The following LHX6 variants were observed in gnomAD, a reference collection of about 807,000 sequenced individuals.
The protein encoded by LHX6 is LIM/homeobox protein Lhx6.
In LHX6, 15 loss-of-function variants were observed where a neutral mutation model predicts 47.1. The ratio of observed to expected loss-of-function variants is 0.32; its 90% CI spans 0.21 to 0.49. The LOEUF (loss-of-function observed/expected upper bound fraction) is 0.49. LHX6 is among the 20% of genes least tolerant of loss of function. The probability of loss-of-function intolerance (pLI) is 0.99; values close to 1 mark genes in which losing one functional copy is unlikely to be tolerated. For missense variants in LHX6, 404 were observed against 539.6 expected (o/e 0.75, Z 2.49); for synonymous variants, 242 against 233.5 (o/e 1.04, Z -0.33).
intron 2 of LHX6, 96 bp downstream of exon 2, chr9:122,227,313 G>T: frequency 8.1e-7 from 1 of 1,236,806 alleles, no homozygotes; most frequent in South Asian, 1.6e-5. Flanking sequence ...GTCCCCCAGA[G>T]CGTGAGCAGC....
chr9:122,205,127 C>T (rs976265561), intron 9 of LHX6, among the ~76,000 whole-genome samples: 4 of 152,196 alleles, frequency 2.6e-5, no homozygotes, highest in Admixed American at 2.0e-4. Flanking sequence ...GGAGTTCCAA[C>T]GTTCTGTTTT....
At chr9:122,221,012 A>C in intron 4 of LHX6, 1 of 887,616 alleles carries the variant, frequency 1.1e-6, no homozygotes, top group Non-Finnish European at 1.3e-6. Flanking sequence ...TGTACAAGGA[A>C]ACCAAACCTC....
At chr9:122,227,319 G>A in intron 2 of LHX6, 90 bp downstream of exon 2, 1 of 1,260,560 alleles carries the variant, frequency 7.9e-7, no homozygotes, top group Non-Finnish European at 1.1e-6. Context: ...CAGAGCGTGA[G>A]CAGCAGTTCG....
At position 122,202,767 on chromosome 9, in the gene LHX6, G is replaced by C. The variant is rs186921183; in HGVS notation, c.*1993C>G. On this transcript the variant is annotated 3_prime_UTR_variant, in exon 10 of 10. Coordinates refer to ENST00000394319, the MANE Select transcript of LHX6 (RefSeq NM_014368.5). ...TTTAAATAAATAGTCTTGATGGCCT[G>C]TACGTTCCCAGGCTGCTCTTAACAG... 67 of 152,616 alleles carry C rather than the reference G, an allele frequency of 4.4e-4. No homozygotes were observed. The highest frequency in any genetic ancestry group is 1.5e-3 in the African/African-American group (62 of 41,520). The allele number at this position is 152,616 out of a possible 1,614,324, so 9.5% of individuals were successfully genotyped here. A position where few individuals can be genotyped will look rare whatever the true frequency, so the allele number is the denominator to read the frequency against.
chr9:122,215,372 T>G (rs1360447901), intron 5 of LHX6, among the ~76,000 whole-genome samples: 1 of 152,248 alleles, frequency 6.6e-6, no homozygotes, highest in Non-Finnish European at 1.5e-5. Flanking sequence ...AATGAACGTG[T>G]GTGTATCTGT....
chr9:122,205,257 C>T (rs1830129968), intron 9 of LHX6, among the ~76,000 whole-genome samples: 3 of 152,246 alleles, frequency 2.0e-5, no homozygotes, highest in Admixed American at 1.3e-4. Context: ...CCTACCAAAG[C>T]ACATTGCCTC....
Position 122,202,721 on chromosome 9 carries a change from G to C in LHX6, c.*2039C>G, listed in dbSNP as rs1210130029. On this transcript the variant is annotated 3_prime_UTR_variant, in exon 10 of 10. Transcript: ENST00000394319. ...TGCTTACAATTTTTTTTCCGTGTGT[G>C]TGTTTTCCCCTTTTTTTGTATTTAA... The C allele has an allele frequency of 1.3e-5, 2 of 152,582 alleles. No homozygotes were observed. Among genetic ancestry groups the C allele is most frequent in the Non-Finnish European group, 2.9e-5 (2 of 68,036 alleles). The allele number at this position is 152,582 out of a possible 1,614,324, so 9.5% of individuals were successfully genotyped here.
At chr9:122,221,290 G>T (rs947682980) in intron 4 of LHX6, 1 of 984,980 alleles carries the variant, frequency 1.0e-6, no homozygotes, top group Non-Finnish European at 1.2e-6. Context: ...TCCCGGCCCC[G>T]AGGCTCCTCC....
Position 122,213,689 on chromosome 9 carries a change from G to C in LHX6, c.971C>G (p.Ser324Cys). 1 of 1,612,874 alleles carries C rather than the reference G, an allele frequency of 6.2e-7. No individual in the cohort carries two copies. The highest frequency in any genetic ancestry group is 8.5e-7 in the Non-Finnish European group (1 of 1,179,832). ...GTAGTGGATGTCGTCGGACAGGGCG[G>C]AGGGAAGGCGGGACGGGGGCGCCCC... ...PSGAPPSRLPSALSDDIHYTP... is the reference protein window; with the variant it reads ...PSGAPPSRLPCALSDDIHYTP... Residue 324 changes from serine (S) to cysteine (C), a missense_variant, in exon 8 of 10, where the codon TCC (serine) becomes TGC (cysteine). Coordinates refer to ENST00000394319, the MANE Select transcript of LHX6 (RefSeq NM_014368.5). This position sits in a 1 kb window ranked among gnomAD's most constrained non-coding sequence, Gnocchi z 5.5.
chr9:122,207,841 A>G (rs1443116103), intron 9 of LHX6, among the ~76,000 whole-genome samples: 3 of 152,130 alleles, frequency 2.0e-5, no homozygotes, highest in Non-Finnish European at 4.4e-5. Flanking sequence ...ACACTCGCAG[A>G]TCCCTATATC....
rs1588349090 is a variant in LHX6 at position 122,217,453 on chromosome 9, C to T, written c.462-165G>A. The stretch of plus-strand genomic sequence containing the variant: ...AACAACACTCTACACCTAGTCCCAC[C>T]TAGGAGATGAACTGGTGGGTGATTT... On this transcript the variant is annotated intron_variant, in intron 4 of 9. Coordinates refer to ENST00000394319, the MANE Select transcript of LHX6 (RefSeq NM_014368.5). The surrounding 1 kb of genome is among the most constrained non-coding windows in gnomAD (Gnocchi z 4.9). Among the ~76,000 whole-genome samples the T allele has an allele frequency of 6.6e-6, 1 of 152,220 alleles. No individual in the cohort carries two copies. The highest frequency in any genetic ancestry group is 2.4e-5 in the African/African-American group (1 of 41,440).
Position 122,217,418 on chromosome 9 carries a change from G to A in LHX6, c.462-130C>T. 1.5e-6 allele frequency: 1 copy of A among 675,642 alleles called. No individual in the cohort carries two copies. The highest frequency in any genetic ancestry group is 1.8e-5 in the South Asian group (1 of 54,442). 41.9% of individuals were successfully genotyped at this position (675,642 alleles called of 1,614,324 possible). On this transcript the variant is annotated intron_variant, in intron 4 of 9. Transcript: ENST00000394319. The surrounding 1 kb of genome is among the most constrained non-coding windows in gnomAD (Gnocchi z 4.9). ...GTCTTCAACTCAGGCATTAGCCTTA[G>A]CTTGGACGCAACAACACTCTACACC...
Position 122,226,563 on chromosome 9 carries a change from C to G in LHX6, c.340-66G>C. 6.4e-7 allele frequency: 1 copy of G among 1,571,482 alleles called. No homozygotes were observed. Among genetic ancestry groups the G allele is most frequent in the Non-Finnish European group, 8.6e-7 (1 of 1,165,768 alleles). On this transcript the variant is annotated intron_variant, in intron 3 of 9. Coordinates refer to ENST00000394319, the MANE Select transcript of LHX6 (RefSeq NM_014368.5). This position sits in a 1 kb window ranked among gnomAD's most constrained non-coding sequence, Gnocchi z 6.5. The stretch of plus-strand genomic sequence containing the variant: ...CTCTTTCACTCCGGGCCCCAGCCTT[C>G]CCGGTCTCATTTACAGTCAGAGGCG...
rs916389695 is a variant in LHX6 at position 122,213,783 on chromosome 9, G to A, written c.880-3C>T. 2.8e-5 allele frequency: 44 copies of A among 1,580,058 alleles called. No individual in the cohort carries two copies. Among genetic ancestry groups the A allele is most frequent in the Non-Finnish European group, 3.5e-5 (41 of 1,163,794 alleles). Reference sequence around the variant, plus strand: ...GCCCGGCAGTTTTGAAACCACACCTGGAACGACAGCCTCGGCAGCCTCAGC... The same window carrying A: ...GCCCGGCAGTTTTGAAACCACACCTAGAACGACAGCCTCGGCAGCCTCAGC... On this transcript the variant is annotated splice_polypyrimidine_tract_variant and splice_region_variant and intron_variant, in intron 7 of 9. Coordinates refer to ENST00000394319, the MANE Select transcript of LHX6 (RefSeq NM_014368.5). This position sits in a 1 kb window ranked among gnomAD's most constrained non-coding sequence, Gnocchi z 5.5.
At chr9:122,206,684 A>G (rs1830192865) in intron 9 of LHX6, among the ~76,000 whole-genome samples, 1 of 152,146 alleles carries the variant, frequency 6.6e-6, no homozygotes, top group Non-Finnish European at 1.5e-5. Flanking sequence ...CTGAGCAACC[A>G]GGAGGCAAAG....
Position 122,204,687 on chromosome 9 carries a change from T to C in LHX6, c.*73A>G. ...AGGTGGGTGGACTCCTGGCCGCAGC[T>C]TGGACACTGGATCTCAGCGGCTGAG... On this transcript the variant is annotated 3_prime_UTR_variant, in exon 10 of 10. Transcript: ENST00000394319. The C allele has an allele frequency of 6.3e-7, 1 of 1,578,350 alleles. No homozygotes were observed. The highest frequency in any genetic ancestry group is 8.6e-7 in the Non-Finnish European group (1 of 1,160,230).
intron 2 of LHX6, 59 bp from the exon 3 acceptor site, chr9:122,227,089 C>CT: frequency 7.0e-7 from 1 of 1,425,942 alleles, no homozygotes; most frequent in South Asian, 1.5e-5. Context: ...TTGGGGCTGC[C>CT]TTGGAGACAA....
At position 122,214,423 on chromosome 9, in the gene LHX6, C is replaced by T; in HGVS notation, c.683-40G>A. On this transcript the variant is annotated intron_variant, in intron 5 of 9. Transcript: ENST00000394319. The surrounding 1 kb of genome is among the most constrained non-coding windows in gnomAD (Gnocchi z 4.6). ...AGCAGCTGACCACGCGTCCCCATCTCTTCTAGTGGCAGCCTGGAAAGGACG... is the reference window on the plus strand; with the variant it reads ...AGCAGCTGACCACGCGTCCCCATCTTTTCTAGTGGCAGCCTGGAAAGGACG... 1 of 1,503,916 alleles carries T rather than the reference C, an allele frequency of 6.6e-7. No individual in the cohort carries two copies. The highest frequency in any genetic ancestry group is 8.8e-7 in the Non-Finnish European group (1 of 1,131,562). The allele number at this position is 1,503,916 out of a possible 1,614,324, so 93.2% of individuals were successfully genotyped here.
intron 4 of LHX6, among the ~76,000 whole-genome samples, chr9:122,225,929 C>T (rs1000955739): frequency 4.5e-4 from 69 of 152,180 alleles, no homozygotes; most frequent in Admixed American, 4.6e-4. Flanking sequence ...GCGTCCAGCC[C>T]GCGAGAGACC....
Sources: gnomAD v4.1 joint callset for allele counts (sites outside exome capture counted in the v4.1 genomes callset) on GRCh38, gnomAD v4.1.1 for gene constraint, Gnocchi (gnomAD v3.1) non-coding constraint, MANE v1.5 for transcripts, NCBI Gene and HGNC (gene_info 2026-07-23, HGNC 2026-07-21) for gene names.